TMPRSS11F: variants seen among roughly 807,000 people sequenced by gnomAD.
TMPRSS11F encodes transmembrane protease serine 11F.
Under a neutral mutation model 60.2 loss-of-function variants are expected in TMPRSS11F, and 47 were observed. The ratio of observed to expected loss-of-function variants is 0.78; its 90% confidence interval spans 0.62 to 1.00. The LOEUF is 1.00. TMPRSS11F is among the 50% of genes least tolerant of loss of function. TMPRSS11F has a pLI of 0.00. For synonymous variants in TMPRSS11F, 166 were observed against 167.3 expected (o/e 0.99, Z 0.06); for missense variants, 519 against 522.9 (o/e 0.99, Z 0.07).
intron 3 of TMPRSS11F, among the ~76,000 whole-genome samples, chr4:68,078,494 G>A (rs1189829042): frequency 6.6e-6 from 1 of 152,174 alleles, no homozygotes; most frequent in Non-Finnish European, 1.5e-5. Flanking sequence ...ACTATGAACT[G>A]TGGTAAGGCA....
At chr4:68,083,276 A>G (rs1293499245) in intron 3 of TMPRSS11F, among the ~76,000 whole-genome samples, 2 of 152,158 alleles carry the variant, frequency 1.3e-5, no homozygotes, top group Non-Finnish European at 2.9e-5. Flanking sequence ...CTACCTGGGC[A>G]CCCCTTGAGG....
chr4:68,099,864 T>C (rs929522953), intron 1 of TMPRSS11F, among the ~76,000 whole-genome samples: 1 of 152,144 alleles, frequency 6.6e-6, no homozygotes, highest in African/African-American at 2.4e-5. Flanking sequence ...GTCTTTGGGA[T>C]GCCCACACTT....
chr4:68,063,254 A>G, intron 8 of TMPRSS11F: 1 of 570,692 alleles, frequency 1.8e-6, no homozygotes. Flanking sequence ...TTCTCTCTCC[A>G]CCTTCAATCG....
At chr4:68,104,061 T>C (rs924511016) in intron 1 of TMPRSS11F, among the ~76,000 whole-genome samples, 2 of 152,180 alleles carry the variant, frequency 1.3e-5, no homozygotes, top group African/African-American at 4.8e-5. Flanking sequence ...GTGGCATCTT[T>C]GGGATTTATA....
intron 9 of TMPRSS11F, among the ~76,000 whole-genome samples, chr4:68,055,564 T>C (rs1310514023): frequency 1.3e-5 from 2 of 152,104 alleles, no homozygotes; most frequent in African/African-American, 4.8e-5. Flanking sequence ...TAAGTAAGAA[T>C]ACTGAATCAG....
intron 5 of TMPRSS11F, among the ~76,000 whole-genome samples, chr4:68,071,180 A>G (rs184069405): frequency 2.0e-5 from 3 of 152,320 alleles, no homozygotes; most frequent in African/African-American, 7.2e-5. Context: ...GAATGCTGGA[A>G]AATACTTTGT....
Position 68,053,794 on chromosome 4 carries a change from G to C in TMPRSS11F, c.*115C>G, listed in dbSNP as rs746350505. The C allele has an allele frequency of 5.5e-5, 59 of 1,070,874 alleles. No individual in the cohort carries two copies. The highest frequency in any genetic ancestry group is 4.7e-5 in the Admixed American group (2 of 42,414). 66.3% of individuals were successfully genotyped at this position (1,070,874 alleles called of 1,614,324 possible). On this transcript the variant is annotated 3_prime_UTR_variant, in exon 10 of 10. Coordinates refer to ENST00000356291, the MANE Select transcript of TMPRSS11F (RefSeq NM_207407.2). ...GATATTAGATTTGTCTGGGTCTGAA[G>C]GGCTTCTTGACATCTAGCAAAAGCA... is the stretch of plus-strand genomic sequence containing the variant.
At position 68,098,878 on chromosome 4, in the gene TMPRSS11F, G is replaced by C; in HGVS notation, c.163+9C>G. 6.2e-7 allele frequency: 1 copy of C among 1,606,534 alleles called. No homozygotes were observed. The highest frequency in any genetic ancestry group is 2.2e-5 in the East Asian group (1 of 44,622). On this transcript the variant is annotated intron_variant, in intron 2 of 9. Coordinates refer to ENST00000356291, the MANE Select transcript of TMPRSS11F (RefSeq NM_207407.2). ...ACTTAGGCAATGGAACTGTGACCTG[G>C]ATACTTACCCTCAACAACAAAATGA... is the stretch of plus-strand genomic sequence containing the variant.
At chr4:68,061,637 C>G (rs74668780) in intron 8 of TMPRSS11F, among the ~76,000 whole-genome samples, 5 of 152,094 alleles carry the variant, frequency 3.3e-5, no homozygotes, top group African/African-American at 9.7e-5. Flanking sequence ...TACAGCTTAT[C>G]TGCTGTGTTT....
intron 8 of TMPRSS11F, chr4:68,063,332 A>G (rs1170527189): frequency 8.2e-6 from 4 of 486,944 alleles, no homozygotes; most frequent in African/African-American, 2.0e-5. Flanking sequence ...ATTTCTCATT[A>G]AAACATTCAG....
intron 4 of TMPRSS11F, among the ~76,000 whole-genome samples, chr4:68,073,186 C>T (rs560121579): frequency 6.6e-6 from 1 of 152,236 alleles, no homozygotes; most frequent in East Asian, 1.9e-4. Context: ...ACTCTTTGGA[C>T]TGTACCATAA....
intron 1 of TMPRSS11F, among the ~76,000 whole-genome samples, chr4:68,126,504 T>C (rs1724716677): frequency 6.6e-6 from 1 of 152,212 alleles, no homozygotes; most frequent in Admixed American, 6.5e-5. Flanking sequence ...CAGGCCTTCT[T>C]TGAGAAGATA....
chr4:68,059,488 A>T lies in TMPRSS11F; in HGVS notation c.1016-20T>A, dbSNP rs1723112564. The T allele has an allele frequency of 3.1e-6, 5 of 1,605,862 alleles. No homozygotes were observed. The highest frequency in any genetic ancestry group is 4.3e-6 in the Non-Finnish European group (5 of 1,175,914). ...TAGGTCCTATTGCACAAATGGATAA[A>T]AAAACAAATAAACAGTATTCCTCAA... On this transcript the variant is annotated intron_variant, in intron 8 of 9. Transcript: ENST00000356291.
At chr4:68,106,415 T>C (rs1724302602) in intron 1 of TMPRSS11F, among the ~76,000 whole-genome samples, 1 of 152,196 alleles carries the variant, frequency 6.6e-6, no homozygotes, top group African/African-American at 2.4e-5. Flanking sequence ...ACACTGGTAT[T>C]TTCATGAGGA....
In TMPRSS11F at chr4:68,091,318, G is replaced by A. The variant is rs1002638617; in HGVS notation, c.164-677C>T. 9.2e-5 allele frequency among the ~76,000 whole-genome samples: 14 copies of A among 151,998 alleles called. 2 individuals carry two copies. Among genetic ancestry groups the A allele is most frequent in the South Asian group, 2.1e-4 (1 of 4,816 alleles). ...TCTTCCACCTCCCTGGCCATACGTC[G>A]CAGTCACCTTGGTGAGCTCTTTATT... On this transcript the variant is annotated intron_variant, in intron 2 of 9. Coordinates refer to ENST00000356291, the MANE Select transcript of TMPRSS11F (RefSeq NM_207407.2).
At chr4:68,107,265 C>T (rs778324737) in intron 1 of TMPRSS11F, among the ~76,000 whole-genome samples, 1 of 152,082 alleles carries the variant, frequency 6.6e-6, no homozygotes, top group Non-Finnish European at 1.5e-5. Flanking sequence ...ATGGATATGG[C>T]CGTACTAAGG....
In TMPRSS11F at chr4:68,075,034, C is replaced by T. The variant is rs1201156661; in HGVS notation, c.283-1025G>A. Among the ~76,000 whole-genome samples the T allele has an allele frequency of 3.3e-5, 5 of 152,284 alleles. No homozygotes were observed. The East Asian group carries it at 7.7e-4, about 23-fold the overall frequency. On this transcript the variant is annotated intron_variant, in intron 3 of 9. Coordinates refer to ENST00000356291, the MANE Select transcript of TMPRSS11F (RefSeq NM_207407.2). Reference sequence around the variant, plus strand: ...AAGCACTGGGCTGAGAGTTATCAGTCGGAATAACAGGTCAATGTAAGTTTA... The same window carrying T: ...AAGCACTGGGCTGAGAGTTATCAGTTGGAATAACAGGTCAATGTAAGTTTA...
intron 1 of TMPRSS11F, among the ~76,000 whole-genome samples, chr4:68,115,356 C>CAAAAAAAAAAAAAAA (rs57550471): frequency 2.7e-5 from 2 of 74,690 alleles, no homozygotes; most frequent in African/African-American, 5.3e-5. Context: ...GACACCATCT[C>CAAAAAAAAAAAAAAA]AAAAAAAAAA....
chr4:68,125,645 C>T (rs1724700780), intron 1 of TMPRSS11F, among the ~76,000 whole-genome samples: 1 of 151,970 alleles, frequency 6.6e-6, no homozygotes, highest in South Asian at 2.1e-4. Context: ...GCTATTTGTC[C>T]CTAAATATTC....
Sources: gnomAD v4.1 joint callset for allele counts (sites outside exome capture counted in the v4.1 genomes callset) on GRCh38, gnomAD v4.1.1 for gene constraint, MANE v1.5 for transcripts, NCBI Gene and HGNC (gene_info 2026-07-23, HGNC 2026-07-21) for gene names.